RNF213: variants seen among roughly 807,000 people sequenced by gnomAD.
RNF213 encodes E3 ubiquitin-protein ligase RNF213.
Under a neutral mutation model 514.4 loss-of-function variants are expected in RNF213, and 341 were observed. The observed-to-expected ratio is 0.66, with a 90% CI of 0.61 to 0.73. RNF213 has a LOEUF of 0.73. Among genes scored for constraint, RNF213 ranks in the 30% least tolerant of loss-of-function variants. The pLI is 0.00. For missense variants in RNF213, 5,767 were observed against 6,615.6 expected, an observed-to-expected ratio of 0.87 and a Z score of 4.45; for synonymous variants, 2,655 against 2,658.2, an observed-to-expected ratio of 1.00 and a Z score of 0.04.
At chr17:80,286,012 G>A (rs141894388) in intron 3 of RNF213, among the ~76,000 whole-genome samples, 9 of 152,238 alleles carry the variant, frequency 5.9e-5, no homozygotes, top group African/African-American at 1.9e-4. Context: ...TCACTCTGTC[G>A]CCCAGGCTGG....
At chr17:80,390,611 G>A (rs144452483) in intron 67 of RNF213, among the ~76,000 whole-genome samples, 5,804 of 151,944 alleles carry the variant, frequency 0.038, 161 homozygotes, top group Non-Finnish European at 0.054. Context: ...TGGCCAGGCT[G>A]GTCTCGAACT....
At chr17:80,295,093 C>T in intron 9 of RNF213, 90 bp downstream of exon 9, 13 of 1,504,608 alleles carry the variant, frequency 8.6e-6, no homozygotes, top group Non-Finnish European at 1.2e-5. Flanking sequence ...CTCTGTGGGC[C>T]AGGTTGCAAA....
At position 80,348,378 on chromosome 17, in the gene RNF213, G is replaced by T. The variant is rs765449728; in HGVS notation, c.9951+92G>T. On this transcript the variant is annotated intron_variant, in intron 29 of 67. Transcript: ENST00000582970. ...GATTCAAGATTCTTCCCCAGGCAGC[G>T]GTTAGGGATCCTGCAGGGAGATGCT... 3 of 1,554,346 alleles carry T rather than the reference G, an allele frequency of 1.9e-6. No individual in the cohort carries two copies. The African/African-American group carries it at 4.0e-5, about 21-fold the overall frequency.
intron 36 of RNF213, chr17:80,355,170 G>T (rs911545814): frequency 2.2e-6 from 1 of 455,982 alleles, no homozygotes; most frequent in African/African-American, 2.0e-5. Context: ...CAGTGACTTG[G>T]TTATTTGGGC....
Position 80,353,429 on chromosome 17 carries a change from C to T in RNF213, c.10424-83C>T. On this transcript the variant is annotated intron_variant, in intron 33 of 67. Transcript: ENST00000582970. This position sits in a 1 kb window ranked among gnomAD's most constrained non-coding sequence, Gnocchi z 5.0. ...GGGAAGCCTGCACTCGGAGGCTGAG[C>T]ACACAGACTCCCAGATGGCACCGCT... 6.8e-7 allele frequency: 1 copy of T among 1,462,716 alleles called. No homozygotes were observed. Among genetic ancestry groups the T allele is most frequent in the Non-Finnish European group, 9.4e-7 (1 of 1,066,584 alleles). 90.6% of individuals were successfully genotyped at this position (1,462,716 alleles called of 1,614,324 possible).
intron 23 of RNF213, among the ~76,000 whole-genome samples, chr17:80,337,139 C>T (rs1404528362): frequency 2.0e-5 from 3 of 152,198 alleles, no homozygotes; most frequent in African/African-American, 7.2e-5. Flanking sequence ...TTTTCCTAAA[C>T]TTCTCTTATT....
intron 3 of RNF213, chr17:80,278,684 G>A (rs1471135075): frequency 2.0e-6 from 3 of 1,504,380 alleles, no homozygotes; most frequent in Non-Finnish European, 2.7e-6. Flanking sequence ...GGCCCCTGAG[G>A]TGGGGTCTTT....
Position 80,343,299 on chromosome 17 carries a change from C to G in RNF213, c.6157C>G (p.Leu2053Val). 1 of 1,612,844 alleles carries G rather than the reference C, an allele frequency of 6.2e-7. No individual in the cohort carries two copies. Among genetic ancestry groups the G allele is most frequent in the Non-Finnish European group, 8.5e-7 (1 of 1,179,770 alleles). ...LDAQYQKVPV[L>V]FHLDVTSSVQ... Reference sequence around the variant, plus strand: ...TGCGCAGTATCAGAAGGTCCCCGTGCTCTTTCACCTGGACGTGACCTCCTC... The same window carrying G: ...TGCGCAGTATCAGAAGGTCCCCGTGGTCTTTCACCTGGACGTGACCTCCTC... The change falls in exon 27 of 68, where the codon CTC becomes GTC. Residue 2053 changes from leucine to valine, a missense_variant. Physicochemically the swap from Leu to Val is conservative, Grantham distance 32. Transcript: ENST00000582970. This position sits in a 1 kb window ranked among gnomAD's most constrained non-coding sequence, Gnocchi z 4.3.
intron 63 of RNF213, among the ~76,000 whole-genome samples, chr17:80,387,102 A>G (rs1298137130): frequency 2.0e-5 from 3 of 152,264 alleles, no homozygotes; most frequent in East Asian, 1.9e-4. Flanking sequence ...GGCCATCTGC[A>G]CCTCAGTCCC....
intron 20 of RNF213, among the ~76,000 whole-genome samples, 181 bp downstream of exon 20, chr17:80,328,658 A>G (rs992998685): frequency 3.9e-5 from 6 of 151,916 alleles, no homozygotes; most frequent in Admixed American, 2.0e-4. Flanking sequence ...TTTGGTATTT[A>G]TGTCCACATT....
chr17:80,295,027 T>A, intron 9 of RNF213, 24 bp downstream of exon 9: 1 of 1,613,674 alleles, frequency 6.2e-7, no homozygotes, highest in Non-Finnish European at 8.5e-7. Context: ...CACCAGCTGC[T>A]CTACCTGCTG....
rs113899492 is a variant in RNF213 at position 80,317,294 on chromosome 17, G to A, written c.2901+17G>A. On this transcript the variant is annotated intron_variant, in intron 16 of 67. Transcript: ENST00000582970. The surrounding 1 kb of genome is among the most constrained non-coding windows in gnomAD (Gnocchi z 4.1). ...CTCACAAAGGTACCAAAAGTTTGGG[G>A]GCAGTCTTTTCAGGGCGTGAAGGCA... The A allele has an allele frequency of 1.2e-4, 190 of 1,609,712 alleles. No homozygotes were observed. The Middle Eastern group carries it at 1.7e-3, about 14-fold the overall frequency.
At chr17:80,293,825 T>TA (rs1190478419) in intron 8 of RNF213, among the ~76,000 whole-genome samples, 4,372 of 142,514 alleles carry the variant, frequency 0.031, 58 homozygotes, top group Non-Finnish European at 0.036. Context: ...AGACTCAGTC[T>TA]AAAAAAAAAA....
Position 80,346,976 on chromosome 17 carries a change from T to C in RNF213, c.8641T>C (p.Phe2881Leu), listed in dbSNP as rs1226709875. 6.2e-7 allele frequency: 1 copy of C among 1,613,846 alleles called. No individual in the cohort carries two copies. Among genetic ancestry groups the C allele is most frequent in the Non-Finnish European group, 8.5e-7 (1 of 1,179,882 alleles). ...TCCCGCCCCCCACAAAAAGGTCGGC[T>C]TCGTGGGCATCTCCAACTGGGCCCT... ...DDPAPHKKVG[F>L]VGISNWALDP... Residue 2881 changes from phenylalanine to leucine, a missense_variant, in exon 29 of 68, where the codon TTC (phenylalanine) becomes CTC (leucine). Phe to Leu is a conservative substitution (Grantham distance 22). Around this residue, in one of 13 missense-constraint regions of RNF213, gnomAD observed 919 missense variants for 1,121.0 expected, o/e 0.82. Transcript: ENST00000582970. The surrounding 1 kb of genome is among the most constrained non-coding windows in gnomAD (Gnocchi z 8.1).
chr17:80,380,823 C>A lies in RNF213; in HGVS notation c.13641-8C>A. The A allele has an allele frequency of 6.2e-7, 1 of 1,614,236 alleles. No individual in the cohort carries two copies. The highest frequency in any genetic ancestry group is 2.2e-5 in the East Asian group (1 of 44,888). On this transcript the variant is annotated splice_region_variant and splice_polypyrimidine_tract_variant and intron_variant, in intron 55 of 67. Coordinates refer to ENST00000582970, the MANE Select transcript of RNF213 (RefSeq NM_001256071.3). ...AGCCTCTGTCTTGTGTTCTCTCGTT[C>A]TTTCCAGAGACAAGGCAGACAGAAC...
chr17:80,351,961 T>C, intron 32 of RNF213, 158 bp downstream of exon 32: 1 of 515,946 alleles, frequency 1.9e-6, no homozygotes. Flanking sequence ...TTCAAGCGAT[T>C]CTCCTGCCTC....
At position 80,343,788 on chromosome 17, in the gene RNF213, G is replaced by A; in HGVS notation, c.6184-69G>A. 3 of 1,509,856 alleles carry A rather than the reference G, an allele frequency of 2.0e-6. No individual in the cohort carries two copies. The highest frequency in any genetic ancestry group is 1.8e-6 in the Non-Finnish European group (2 of 1,086,264). 93.5% of individuals were successfully genotyped at this position (1,509,856 alleles called of 1,614,324 possible). On this transcript the variant is annotated intron_variant, in intron 27 of 67. Transcript: ENST00000582970. The surrounding 1 kb of genome is among the most constrained non-coding windows in gnomAD (Gnocchi z 4.3). ...TCGTGACAAAGAGCAAAATAAGGAGGGGTTACTTAGAGTTGGGAGAACTCG... is the reference window on the plus strand; with the variant it reads ...TCGTGACAAAGAGCAAAATAAGGAGAGGTTACTTAGAGTTGGGAGAACTCG...
intron 3 of RNF213, among the ~76,000 whole-genome samples, chr17:80,284,617 A>C (rs1430776361): frequency 6.6e-6 from 1 of 151,824 alleles, no homozygotes; most frequent in Non-Finnish European, 1.5e-5. Context: ...AATCCCATTG[A>C]GGAAGTTTAT....
chr17:80,310,812 A>G (rs1167460204), intron 14 of RNF213, among the ~76,000 whole-genome samples: 3 of 152,170 alleles, frequency 2.0e-5, no homozygotes, highest in South Asian at 2.1e-4. Flanking sequence ...TCAGCCTCCC[A>G]AAGTGCTAGG....
Sources: allele counts gnomAD v4.1 joint callset (sites outside exome capture counted in the v4.1 genomes callset), GRCh38; gene constraint gnomAD v4.1.1; regional missense constraint gnomAD v4.1.1; non-coding constraint Gnocchi (gnomAD v3.1); transcripts MANE v1.5; gene names NCBI Gene and HGNC (gene_info 2026-07-23, HGNC 2026-07-21).